Variants in RPAIN observed in about 807,000 individuals in gnomAD.
RPAIN encodes the protein RPA interacting protein.
Under a neutral mutation model 30.5 loss-of-function variants are expected in RPAIN, and 29 were observed. That is an observed-to-expected ratio of 0.95 (90% CI 0.71 to 1.30). The LOEUF (loss-of-function observed/expected upper bound fraction) is 1.30, where lower values mean the gene tolerates loss of function less well. Among genes scored for constraint, RPAIN ranks in the 50% most tolerant of loss-of-function variants. The probability of loss-of-function intolerance (pLI) is 0.00; values close to 1 mark genes in which losing one functional copy is unlikely to be tolerated. For synonymous variants in RPAIN, 101 were observed against 93.5 expected, an observed-to-expected ratio of 1.08 and a Z score of -0.46; for missense variants, 247 against 264.7, an observed-to-expected ratio of 0.93 and a Z score of 0.46.
chr17:5,425,581 C>G, intron 3 of RPAIN: 1 of 350,208 alleles, frequency 2.9e-6, no homozygotes, highest in Non-Finnish European at 5.6e-6. Context: ...AGTGATCTGC[C>G]TGCCTCAGCC....
intron 4 of RPAIN, 37 bp from the exon 5 acceptor site, chr17:5,426,199 T>G: frequency 6.2e-7 from 1 of 1,605,724 alleles, no homozygotes; most frequent in Non-Finnish European, 8.5e-7. Context: ...CCAGGTCTGG[T>G]GGCCATGATG....
In RPAIN at chr17:5,429,088, G is replaced by A. The variant is rs149870670; in HGVS notation, c.630+877G>A. ...AATGAATTGAGGACTCATTAACATT[G>A]AGAAATACACATCTCTCACAGAGCT... On this transcript the variant is annotated intron_variant, in intron 6 of 6. Coordinates refer to ENST00000381209, the MANE Select transcript of RPAIN (RefSeq NM_001033002.4). 2.8e-4 allele frequency: 271 copies of A among 985,242 alleles called. 2 individuals are homozygous for A. In the African/African-American group the frequency reaches 4.5e-3, roughly 16 times the overall value. The allele number at this position is 985,242 out of a possible 1,614,324, so 61.0% of individuals were successfully genotyped here.
intron 3 of RPAIN, among the ~76,000 whole-genome samples, chr17:5,424,832 C>CT (rs1383903188): frequency 6.6e-6 from 1 of 152,188 alleles, no homozygotes; most frequent in Non-Finnish European, 1.5e-5. Flanking sequence ...AAGTTATCAT[C>CT]TTTTTTTATT....
chr17:5,429,782 C>T (rs754853122), intron 6 of RPAIN: 6 of 983,256 alleles, frequency 6.1e-6, no homozygotes, highest in Non-Finnish European at 7.2e-6. Flanking sequence ...GACTTTGACT[C>T]CTCCCACTAC....
At chr17:5,428,447 C>T (rs531990619) in intron 6 of RPAIN, 36 of 1,438,718 alleles carry the variant, frequency 2.5e-5, no homozygotes, top group East Asian at 1.3e-4. Context: ...GGAGTTAGGA[C>T]GCCTGGCTCC....
At chr17:5,432,171 G>A in intron 6 of RPAIN, 1 of 249,800 alleles carries the variant, frequency 4.0e-6, no homozygotes, top group Non-Finnish European at 7.8e-6. Context: ...TCAATCTTGT[G>A]TAGATTTGGA....
At position 5,432,623 on chromosome 17, in the gene RPAIN, C is replaced by T. The variant is rs755443687; in HGVS notation, c.*52C>T. 1.2e-5 allele frequency: 18 copies of T among 1,507,056 alleles called. No individual in the cohort carries two copies. The South Asian group carries it at 1.2e-4, about 10-fold the overall frequency. The allele number at this position is 1,507,056 out of a possible 1,614,324, so 93.4% of individuals were successfully genotyped here. On this transcript the variant is annotated 3_prime_UTR_variant, in exon 7 of 7. Transcript: ENST00000381209. ...TGGGGTTGAAGACAACTCATTCCCTCTGAGGAGCCTTGTACATACAAGCCT... is the reference window on the plus strand; with the variant it reads ...TGGGGTTGAAGACAACTCATTCCCTTTGAGGAGCCTTGTACATACAAGCCT...
intron 1 of RPAIN, among the ~76,000 whole-genome samples, chr17:5,420,989 T>C (rs1179541762): frequency 2.6e-5 from 4 of 152,132 alleles, no homozygotes; most frequent in African/African-American, 9.7e-5. Flanking sequence ...ATATCTAGAG[T>C]AGCAAGAATT....
intron 6 of RPAIN, chr17:5,429,399 G>A (rs1009796442): frequency 1.2e-5 from 12 of 985,318 alleles, no homozygotes; most frequent in Non-Finnish European, 1.4e-5. Context: ...TACTTAGCTG[G>A]AGCATTAGGT....
At chr17:5,421,242 T>C (rs1597338499) in intron 1 of RPAIN, 54 bp from the exon 2 acceptor site, 3 of 1,535,290 alleles carry the variant, frequency 2.0e-6, no homozygotes, top group African/African-American at 2.8e-5. Context: ...AAGAGTGTTT[T>C]TTAAAAATAG....
intron 1 of RPAIN, 85 bp downstream of exon 1, chr17:5,420,376 T>A: frequency 8.5e-7 from 1 of 1,179,796 alleles, no homozygotes; most frequent in Non-Finnish European, 1.2e-6. Flanking sequence ...CCCTGCTCCG[T>A]GGAGCAGGTG....
chr17:5,431,489 A>AAAAAAAAAAG (rs1373180503), intron 6 of RPAIN: 5 of 438,910 alleles, frequency 1.1e-5, no homozygotes, highest in Admixed American at 1.1e-4. Flanking sequence ...TGCCTTAAAA[A>AAAAAAAAAAG]AAAAAAAAAA....
intron 6 of RPAIN, 151 bp downstream of exon 6, chr17:5,428,362 AAGTC>A: frequency 6.6e-7 from 1 of 1,522,490 alleles, no homozygotes; most frequent in South Asian, 1.2e-5. Context: ...TGAAGGTAAC[AAGTC>A]ATTTAGACTC....
intron 1 of RPAIN, among the ~76,000 whole-genome samples, chr17:5,420,523 C>T (rs1914657036): frequency 6.6e-6 from 1 of 151,960 alleles, no homozygotes; most frequent in South Asian, 2.1e-4. Flanking sequence ...CAGGACATCA[C>T]CGTTTGCACC....
intron 3 of RPAIN, chr17:5,425,480 C>T (rs768593772): frequency 4.2e-5 from 16 of 381,662 alleles, no homozygotes; most frequent in Middle Eastern, 7.6e-4. Flanking sequence ...GGATTATAGA[C>T]GTGCGCCACA....
chr17:5,423,821 C>A (rs1182613468), intron 3 of RPAIN, among the ~76,000 whole-genome samples: 4 of 151,042 alleles, frequency 2.6e-5, no homozygotes, highest in Non-Finnish European at 5.9e-5. Flanking sequence ...GGCGTGATCA[C>A]GGCCCACTGC....
intron 3 of RPAIN, among the ~76,000 whole-genome samples, chr17:5,424,754 T>A (rs145460296): frequency 2.0e-4 from 31 of 152,358 alleles, no homozygotes; most frequent in African/African-American, 7.5e-4. Flanking sequence ...ATTTGACACA[T>A]AAGTGCCATG....
chr17:5,426,042 G>T lies in RPAIN; in HGVS notation c.385G>T (p.Glu129Ter), dbSNP rs749062400. ...AAAGTGTCTCAGCATCATGCTGGCTGAGTGGGAGGCAAACCCACTCATCTG... is the reference window on the plus strand; with the variant it reads ...AAAGTGTCTCAGCATCATGCTGGCTTAGTGGGAGGCAAACCCACTCATCTG... ...DEKCLSIMLA[E>*]WEANPLICPV... The change falls in exon 4 of 7, where the codon GAG becomes TAG. Residue 129 changes from glutamate (E) to a stop codon, truncating the protein, a stop_gained. Transcript: ENST00000381209. LOFTEE classifies it high-confidence loss of function. 1 of 1,613,918 alleles carries T rather than the reference G, an allele frequency of 6.2e-7. No homozygotes were observed. Among genetic ancestry groups the T allele is most frequent in the Non-Finnish European group, 8.5e-7 (1 of 1,179,876 alleles).
intron 4 of RPAIN, 76 bp downstream of exon 4, chr17:5,426,158 A>G: frequency 6.4e-7 from 1 of 1,569,574 alleles, no homozygotes. Context: ...CTCCCCCCAG[A>G]TTTGTTGCCT....
Sources: gnomAD v4.1 joint callset for allele counts (sites outside exome capture counted in the v4.1 genomes callset) on GRCh38, gnomAD v4.1.1 for gene constraint, MANE v1.5 for transcripts, NCBI Gene and HGNC (gene_info 2026-07-23, HGNC 2026-07-21) for gene names.